Variants in DLAT observed in about 807,000 individuals in gnomAD.
DLAT encodes the protein dihydrolipoyllysine-residue acetyltransferase component of pyruvate dehydrogenase complex, mitochondrial.
A neutral mutation model predicts 68.0 loss-of-function variants in DLAT; 43 were observed. The ratio of observed to expected loss-of-function variants is 0.63; its 90% CI spans 0.50 to 0.81. The LOEUF (loss-of-function observed/expected upper bound fraction) is 0.81. Ranked by LOEUF, DLAT falls within the 40% of genes least tolerant of loss-of-function variation. The probability of loss-of-function intolerance (pLI) is 0.00; values close to 1 mark genes in which losing one functional copy is unlikely to be tolerated. For missense variants in DLAT, 745 were observed against 815.4 expected (o/e 0.91, Z 1.05); for synonymous variants, 265 against 288.6 (o/e 0.92, Z 0.83).
intron 10 of DLAT, among the ~76,000 whole-genome samples, chr11:112,047,322 T>TC (rs1863372182): frequency 6.6e-6 from 1 of 152,240 alleles, no homozygotes; most frequent in African/African-American, 2.4e-5. Flanking sequence ...TTTGTTTTTT[T>TC]CTTGTAAATT....
At chr11:112,056,555 T>G (rs117133654) in intron 11 of DLAT, among the ~76,000 whole-genome samples, 1,586 of 152,352 alleles carry the variant, frequency 0.01, 10 homozygotes, top group Non-Finnish European at 0.016. Context: ...TGTTTAATCG[T>G]ATCAATATAC....
At chr11:112,053,727 A>G (rs782456464) in intron 11 of DLAT, among the ~76,000 whole-genome samples, 2 of 152,186 alleles carry the variant, frequency 1.3e-5, no homozygotes, top group Non-Finnish European at 2.9e-5. Flanking sequence ...TGCTGGGATC[A>G]CAGGTGTGAG....
intron 7 of DLAT, among the ~76,000 whole-genome samples, chr11:112,041,365 G>GT (rs1360417797): frequency 5.3e-5 from 8 of 152,202 alleles, no homozygotes; most frequent in Non-Finnish European, 1.2e-4. Context: ...TGATATACTA[G>GT]TGAGTGAAAG....
At chr11:112,031,034 T>C in intron 4 of DLAT, among the ~76,000 whole-genome samples, 1 of 152,246 alleles carries the variant, frequency 6.6e-6, no homozygotes, top group East Asian at 1.9e-4. Flanking sequence ...TTCTTTAAGA[T>C]ACTGAATTGG....
chr11:112,057,501 A>C (rs1283476096), intron 11 of DLAT, among the ~76,000 whole-genome samples: 1 of 152,254 alleles, frequency 6.6e-6, no homozygotes, highest in Non-Finnish European at 1.5e-5. Flanking sequence ...CACACGAATG[A>C]TAAGAAAGTG....
Position 112,045,950 on chromosome 11 carries a change from G to A in DLAT, c.1378G>A (p.Val460Ile). The A allele has an allele frequency of 6.2e-7, 1 of 1,604,340 alleles. No individual in the cohort carries two copies. Among genetic ancestry groups the A allele is most frequent in the Non-Finnish European group, 8.5e-7 (1 of 1,171,392 alleles). ...IDVNMGEVLL[V>I]RKELNKILEG... ...TGTAAATATGGGAGAAGTTTTGTTG[G>A]TACGGAAAGAACTTAATAAGGTAAA... The change falls in exon 10 of 14, where the codon GTA becomes ATA. Residue 460 changes from valine to isoleucine, a missense_variant. Physicochemically the swap from Val to Ile is conservative, Grantham distance 29. Coordinates refer to ENST00000280346, the MANE Select transcript of DLAT (RefSeq NM_001931.5).
At position 112,061,140 on chromosome 11, in the gene DLAT, G is replaced by C. The variant is rs1387684777; in HGVS notation, c.1780G>C (p.Glu594Gln). ...QACILAIGAS[E>Q]DKLVPADNEK... ...ATGTATTTTGGCAATTGGTGCTTCA[G>C]AGGATAAACTGGTCCCTGCAGATAA... The change falls in exon 13 of 14, where the codon GAG becomes CAG. Residue 594 changes from glutamate to glutamine, a missense_variant. Coordinates refer to ENST00000280346, the MANE Select transcript of DLAT (RefSeq NM_001931.5). 3 of 1,613,978 alleles carry C rather than the reference G, an allele frequency of 1.9e-6. No homozygotes were observed. In the African/African-American group the frequency reaches 4.0e-5, roughly 22 times the overall value.
At chr11:112,037,252 T>C (rs1267022707) in intron 5 of DLAT, 21 bp from the exon 6 acceptor site, 1 of 1,609,100 alleles carries the variant, frequency 6.2e-7, no homozygotes, top group African/African-American at 1.3e-5. Context: ...AGTCCCATAA[T>C]GTTTTTTCTT....
Position 112,037,327 on chromosome 11 carries a change from C to A in DLAT, c.842C>A (p.Thr281Lys). The change falls in exon 6 of 14, where the codon ACA becomes AAA. Residue 281 changes from threonine (T) to lysine (K), a missense_variant. By Grantham distance (78) the Thr-to-Lys change is moderately conservative (BLOSUM62 -1). Coordinates refer to ENST00000280346, the MANE Select transcript of DLAT (RefSeq NM_001931.5). The part of the protein sequence containing the change: ...YLAKILVPEG[T>K]RDVPLGTPLC... ...GCAAAAATCCTGGTCCCTGAAGGCACAAGAGATGTCCCTCTAGGAACCCCA... is the reference window on the plus strand; with the variant it reads ...GCAAAAATCCTGGTCCCTGAAGGCAAAAGAGATGTCCCTCTAGGAACCCCA... 1.2e-6 allele frequency: 2 copies of A among 1,614,164 alleles called. No homozygotes were observed. The highest frequency in any genetic ancestry group is 1.7e-6 in the Non-Finnish European group (2 of 1,180,034).
intron 11 of DLAT, among the ~76,000 whole-genome samples, chr11:112,055,281 T>C (rs1863945586): frequency 7.0e-6 from 1 of 142,318 alleles, no homozygotes; most frequent in Admixed American, 7.3e-5. Flanking sequence ...TCCTGCTCTG[T>C]CGCCCAGGCT....
intron 10 of DLAT, among the ~76,000 whole-genome samples, chr11:112,049,913 G>A (rs978274652): frequency 3.9e-5 from 6 of 152,094 alleles, no homozygotes; most frequent in African/African-American, 1.4e-4. Context: ...TCTGGCTGGC[G>A]CCTCTAGGCA....
In DLAT at chr11:112,064,140, C is replaced by T. The variant is rs1555183591; in HGVS notation, c.*1605C>T. 7 of 1,520,640 alleles carry T rather than the reference C, an allele frequency of 4.6e-6. No individual in the cohort carries two copies. Among genetic ancestry groups the T allele is most frequent in the Non-Finnish European group, 6.2e-6 (7 of 1,127,844 alleles). 94.2% of individuals were successfully genotyped at this position (1,520,640 alleles called of 1,614,324 possible). A position where few individuals can be genotyped will look rare whatever the true frequency, so the allele number is the denominator to read the frequency against. ...CAAGCTTATCACAAGGGACCATCAT[C>T]AATATGATCCAAATCTGGTTCAAAC... On this transcript the variant is annotated 3_prime_UTR_variant, in exon 14 of 14. Transcript: ENST00000280346.
chr11:112,058,624 G>GGA (rs1555182842), intron 11 of DLAT, among the ~76,000 whole-genome samples: 1 of 68,760 alleles, frequency 1.5e-5, no homozygotes, highest in East Asian at 8.6e-4. Context: ...GAAGGGGGGG[G>GGA]TGGGGGGGGG....
intron 7 of DLAT, among the ~76,000 whole-genome samples, chr11:112,042,938 C>A (rs1322613902): frequency 6.6e-6 from 1 of 152,126 alleles, no homozygotes; most frequent in Non-Finnish European, 1.5e-5. Context: ...GTGAAAAAAT[C>A]GACTTGATTT....
chr11:112,026,486 T>G (rs1399504424), intron 2 of DLAT, among the ~76,000 whole-genome samples, 187 bp downstream of exon 2: 1 of 152,074 alleles, frequency 6.6e-6, no homozygotes, highest in Non-Finnish European at 1.5e-5. Flanking sequence ...CCGCAGTGTT[T>G]GTGTCCCTGG....
At chr11:112,036,200 T>TGTGTGTG (rs1566617768) in intron 5 of DLAT, among the ~76,000 whole-genome samples, 1 of 69,866 alleles carries the variant, frequency 1.4e-5, no homozygotes, top group African/African-American at 6.1e-5. Flanking sequence ...TGTGTGTGTG[T>TGTGTGTG]GTTTTTTTTT....
intron 7 of DLAT, 108 bp downstream of exon 7, chr11:112,039,505 G>A (rs1862945849): frequency 8.7e-7 from 1 of 1,148,616 alleles, no homozygotes; most frequent in Admixed American, 1.8e-5. Context: ...AATTGGGATA[G>A]TAGGGACAAT....
chr11:112,025,455 TG>T lies in DLAT; in HGVS notation c.-12del, dbSNP rs781881808. 1.1e-5 allele frequency: 17 copies of T among 1,607,758 alleles called. No individual in the cohort carries two copies. The highest frequency in any genetic ancestry group is 1.4e-5 in the Non-Finnish European group (17 of 1,178,568). Reference sequence around the variant, plus strand: ...CGGAGACGGCGTTGGTTTTGGGGTGTGGGGGGTTGGTGGCACTATGTGGCGC... The same window carrying T: ...CGGAGACGGCGTTGGTTTTGGGGTGTGGGGGTTGGTGGCACTATGTGGCGC... On this transcript the variant is annotated 5_prime_UTR_variant, in exon 1 of 14. Coordinates refer to ENST00000280346, the MANE Select transcript of DLAT (RefSeq NM_001931.5).
Position 112,025,541 on chromosome 11 carries a change from G to T in DLAT, c.69G>T (p.Thr23=), listed in dbSNP as rs1555179092. Residue 23 remains threonine (T), a synonymous_variant, in exon 1 of 14, where the codon ACG becomes ACT. Coordinates refer to ENST00000280346, the MANE Select transcript of DLAT (RefSeq NM_001931.5). ...APWAGLEARW[T]ALQEVPGTPR... The stretch of plus-strand genomic sequence containing the variant: ...GGGCGGGACTCGAGGCTCGGTGGAC[G>T]GCCTTGCAGGAGGTACCCGGAACTC... 1 of 1,613,902 alleles carries T rather than the reference G, an allele frequency of 6.2e-7. No individual in the cohort carries two copies. The highest frequency in any genetic ancestry group is 8.5e-7 in the Non-Finnish European group (1 of 1,180,012).
Sources: allele counts gnomAD v4.1 joint callset (sites outside exome capture counted in the v4.1 genomes callset), GRCh38; gene constraint gnomAD v4.1.1; transcripts MANE v1.5; gene names NCBI Gene and HGNC (gene_info 2026-07-23, HGNC 2026-07-21).